Variants in SLC25A18 observed in about 807,000 individuals in gnomAD.
The protein encoded by SLC25A18 is mitochondrial glutamate carrier 2.
SLC25A18 carries 24 observed loss-of-function variants against 31.1 expected under a neutral mutation model. The ratio of observed to expected loss-of-function variants is 0.77; its 90% CI spans 0.56 to 1.08. The LOEUF (loss-of-function observed/expected upper bound fraction) is 1.08. Ranked by LOEUF, SLC25A18 falls within the 50% of genes least tolerant of loss-of-function variation. The pLI is 0.00. For missense variants in SLC25A18, 371 were observed against 418.5 expected, an observed-to-expected ratio of 0.89 and a Z score of 0.99; for synonymous variants, 173 against 161.9, an observed-to-expected ratio of 1.07 and a Z score of -0.52.
intron 1 of SLC25A18, among the ~76,000 whole-genome samples, chr22:17,565,457 T>G (rs2056912363): frequency 6.6e-6 from 1 of 152,106 alleles, no homozygotes; most frequent in African/African-American, 2.4e-5. Context: ...CACTGCAGCC[T>G]CCAACCCCAG....
At chr22:17,580,278 A>G in intron 3 of SLC25A18, 2 of 306,184 alleles carry the variant, frequency 6.5e-6, no homozygotes, top group Non-Finnish European at 1.2e-5. Context: ...ATCTACTCTT[A>G]CCACTTCCAG....
Position 17,588,018 on chromosome 22 carries a change from T to C in SLC25A18, c.669T>C (p.His223=). 4 of 1,614,224 alleles carry C rather than the reference T, an allele frequency of 2.5e-6. No homozygotes were observed. Among genetic ancestry groups the C allele is most frequent in the Non-Finnish European group, 3.4e-6 (4 of 1,180,024 alleles). ...TCGCCGGTAAGGCGTCCTTTGCACA[T>C]TCCTTCGTGTCAGGCTGTGTGGCAG... The part of the protein sequence containing the change: ...NELAGKASFA[H]SFVSGCVAGS... The change falls in exon 9 of 11, where the codon CAT becomes CAC. Residue 223 remains histidine, a synonymous_variant. Transcript: ENST00000327451.
chr22:17,581,614 C>A lies in SLC25A18; in HGVS notation c.199+201C>A, dbSNP rs901593249. On this transcript the variant is annotated intron_variant, in intron 5 of 10. Transcript: ENST00000327451. ...TTCCGGAGACCCACAGAGCACACCCCCCGCCACCGCCTCAGTAAGAGCAGG... is the reference window on the plus strand; with the variant it reads ...TTCCGGAGACCCACAGAGCACACCCACCGCCACCGCCTCAGTAAGAGCAGG... The A allele has an allele frequency of 5.2e-6, 3 of 580,710 alleles. No homozygotes were observed. In the African/African-American group the frequency reaches 5.6e-5, roughly 11 times the overall value. The allele number at this position is 580,710 out of a possible 1,614,324, so 36.0% of individuals were successfully genotyped here. A position where few individuals can be genotyped will look rare whatever the true frequency, so the allele number is the denominator to read the frequency against.
intron 1 of SLC25A18, 24 bp from the exon 2 acceptor site, chr22:17,569,900 A>C: frequency 1.0e-6 from 1 of 985,556 alleles, no homozygotes; most frequent in Non-Finnish European, 1.2e-6. Flanking sequence ...GCTGGCTGAC[A>C]CTGAAAGCCA....
At chr22:17,566,331 G>T (rs909439174) in intron 1 of SLC25A18, among the ~76,000 whole-genome samples, 9 of 151,970 alleles carry the variant, frequency 5.9e-5, no homozygotes, top group Non-Finnish European at 1.5e-5. Context: ...CCTGCCTCTG[G>T]CGTGTTTAAT....
intron 1 of SLC25A18, among the ~76,000 whole-genome samples, chr22:17,568,555 CTTTTTT>C (rs695361): frequency 3.2e-5 from 2 of 62,534 alleles, no homozygotes; most frequent in African/African-American, 1.4e-4. Flanking sequence ...TAAAGTACAT[CTTTTTT>C]TTTTTTTTTT....
At chr22:17,581,283 G>A in intron 4 of SLC25A18, 75 bp from the exon 5 acceptor site, 1 of 1,601,564 alleles carries the variant, frequency 6.2e-7, no homozygotes, top group Non-Finnish European at 8.5e-7. Flanking sequence ...GCTGGGATGT[G>A]CCCGCGGGAG....
intron 1 of SLC25A18, among the ~76,000 whole-genome samples, chr22:17,569,144 G>A (rs2057022827): frequency 6.6e-6 from 1 of 151,728 alleles, no homozygotes; most frequent in South Asian, 2.1e-4. Context: ...GAGTAGCTGG[G>A]ACTACAGGCG....
intron 2 of SLC25A18, among the ~76,000 whole-genome samples, chr22:17,570,687 T>C (rs2057064689): frequency 6.6e-6 from 1 of 152,146 alleles, no homozygotes; most frequent in Non-Finnish European, 1.5e-5. Flanking sequence ...GGCTTCAGCA[T>C]GTTGGCCAGG....
At chr22:17,585,647 ATTATTTTTTT>A (rs1601337936) in intron 7 of SLC25A18, among the ~76,000 whole-genome samples, 94 of 138,390 alleles carry the variant, frequency 6.8e-4, no homozygotes, top group East Asian at 1.8e-3. Context: ...TATTATTATT[ATTATTTTTTT>A]TTTTTTTTTG....
intron 7 of SLC25A18, among the ~76,000 whole-genome samples, chr22:17,584,263 G>A (rs968317780): frequency 1.5e-4 from 23 of 150,688 alleles, no homozygotes; most frequent in African/African-American, 5.1e-4. Flanking sequence ...CGTGGTGGCG[G>A]GCACCTGTAG....
chr22:17,571,089 G>A (rs1002465734), intron 2 of SLC25A18, among the ~76,000 whole-genome samples: 1 of 152,208 alleles, frequency 6.6e-6, no homozygotes, highest in Admixed American at 6.5e-5. Flanking sequence ...AAAGCAGGGG[G>A]TGAGGGAGAG....
At position 17,590,554 on chromosome 22, in the gene SLC25A18, G is replaced by A. The variant is rs2057687286; in HGVS notation, c.*318G>A. The A allele has an allele frequency of 4.0e-6, 1 of 247,664 alleles. No homozygotes were observed. The highest frequency in any genetic ancestry group is 4.9e-5 in the Admixed American group (1 of 20,468). 15.3% of individuals were successfully genotyped at this position (247,664 alleles called of 1,614,324 possible). The stretch of plus-strand genomic sequence containing the variant: ...CCTTAACAGGTAGTCACAATAGAAG[G>A]GTTGTTTCTGTATTTTAACATTTCT... On this transcript the variant is annotated 3_prime_UTR_variant, in exon 11 of 11. Coordinates refer to ENST00000327451, the MANE Select transcript of SLC25A18 (RefSeq NM_031481.3).
At chr22:17,565,271 C>T (rs1464479089) in intron 1 of SLC25A18, among the ~76,000 whole-genome samples, 1 of 151,880 alleles carries the variant, frequency 6.6e-6, no homozygotes, top group East Asian at 1.9e-4. Context: ...TTAGTAGAGA[C>T]GGGGTTTTGC....
chr22:17,581,007 T>G (rs1378839039), intron 3 of SLC25A18, 30 bp from the exon 4 acceptor site: 6 of 1,524,016 alleles, frequency 3.9e-6, no homozygotes, highest in Non-Finnish European at 5.3e-6. Context: ...CCTCTGCCTC[T>G]CTCCTCCCCC....
chr22:17,574,830 T>TATTATTATTATTATTATTATTA (rs2057190078), intron 2 of SLC25A18, among the ~76,000 whole-genome samples: 1 of 137,832 alleles, frequency 7.3e-6, no homozygotes, highest in African/African-American at 2.9e-5. Flanking sequence ...CAATGTTCCC[T>TATTATTATTATTATTATTATTA]TTATTATTAT....
At position 17,582,741 on chromosome 22, in the gene SLC25A18, T is replaced by C. The variant is rs1420744344; in HGVS notation, c.290+88T>C. The C allele has an allele frequency of 6.0e-6, 7 of 1,168,004 alleles. 1 individual carries two copies. Among genetic ancestry groups the C allele is most frequent in the Non-Finnish European group, 4.9e-6 (4 of 808,574 alleles). The allele number at this position is 1,168,004 out of a possible 1,614,324, so 72.4% of individuals were successfully genotyped here. ...AGAAGATTTCAAATGTGCCTCAGTA[T>C]ACCTGCCTGCATGCATATAAATATG... is the stretch of plus-strand genomic sequence containing the variant. On this transcript the variant is annotated intron_variant, in intron 6 of 10. Transcript: ENST00000327451.
At chr22:17,575,026 A>G (rs763168124) in intron 2 of SLC25A18, among the ~76,000 whole-genome samples, 5 of 150,288 alleles carry the variant, frequency 3.3e-5, no homozygotes, top group Non-Finnish European at 5.9e-5. Context: ...TAATTGTTAC[A>G]TTTTTAGTAG....
At chr22:17,586,038 G>T (rs563705711) in intron 7 of SLC25A18, among the ~76,000 whole-genome samples, 2 of 152,240 alleles carry the variant, frequency 1.3e-5, no homozygotes, top group African/African-American at 2.4e-5. Context: ...ATGATTTAAA[G>T]AATCAAATTC....
Sources: allele counts gnomAD v4.1 joint callset (sites outside exome capture counted in the v4.1 genomes callset), GRCh38; gene constraint gnomAD v4.1.1; transcripts MANE v1.5; gene names NCBI Gene and HGNC (gene_info 2026-07-23, HGNC 2026-07-21).